PTPRT: variants seen among roughly 807,000 people sequenced by gnomAD.
PTPRT encodes the protein receptor-type tyrosine-protein phosphatase T.
In PTPRT, 56 loss-of-function variants were observed where a neutral mutation model predicts 176.8. The observed-to-expected ratio is 0.32, with a 90% CI of 0.26 to 0.40. The LOEUF is 0.40. Ranked by LOEUF, PTPRT falls within the 10% of genes least tolerant of loss-of-function variation. The pLI is 1.00. For missense variants in PTPRT, 1,540 were observed against 1,908.2 expected (o/e 0.81, Z 3.60); for synonymous variants, 783 against 739.0 (o/e 1.06, Z -0.96).
At chr20:42,789,376 T>C (rs771156909) in intron 3 of PTPRT, among the ~76,000 whole-genome samples, 18 of 152,230 alleles carry the variant, frequency 1.2e-4, no homozygotes, top group Non-Finnish European at 2.2e-4. Flanking sequence ...ATTATATTTA[T>C]ACTGGATTAT....
Position 42,073,591 on chromosome 20 carries a change from C to T in PTPRT, c.*7288G>A, listed in dbSNP as rs1982497069. ...TCAGTGGGTCTGAGTTATGGCTGCT[C>T]TCATGAGAGATCTACATGGGTATTG... On this transcript the variant is annotated 3_prime_UTR_variant, in exon 31 of 31. Coordinates refer to ENST00000373187, the MANE Select transcript of PTPRT (RefSeq NM_007050.6). 4.6e-6 allele frequency: 1 copy of T among 219,776 alleles called. No individual in the cohort carries two copies. The highest frequency in any genetic ancestry group is 1.9e-4 in the South Asian group (1 of 5,368). The allele number at this position is 219,776 out of a possible 1,614,324, so 13.6% of individuals were successfully genotyped here. A position where few individuals can be genotyped will look rare whatever the true frequency, so the allele number is the denominator to read the frequency against.
At chr20:43,010,491 A>G (rs1198247617) in intron 1 of PTPRT, among the ~76,000 whole-genome samples, 1 of 152,180 alleles carries the variant, frequency 6.6e-6, no homozygotes, top group African/African-American at 2.4e-5. Context: ...GTGTTCCCCA[A>G]GAACTTATAT....
At chr20:42,875,322 C>A (rs1003398606) in intron 2 of PTPRT, among the ~76,000 whole-genome samples, 6 of 152,178 alleles carry the variant, frequency 3.9e-5, no homozygotes, top group Admixed American at 1.3e-4. Flanking sequence ...TCATATCCTC[C>A]GGAATAATTA....
intron 7 of PTPRT, among the ~76,000 whole-genome samples, chr20:42,527,215 G>A (rs973006360): frequency 4.0e-5 from 6 of 151,732 alleles, no homozygotes; most frequent in East Asian, 1.9e-4. Context: ...CGCCTGCCTC[G>A]GCCTCCCAAA....
chr20:43,084,462 C>G (rs886505201), intron 1 of PTPRT, among the ~76,000 whole-genome samples: 1 of 152,124 alleles, frequency 6.6e-6, no homozygotes, highest in East Asian at 1.9e-4. Flanking sequence ...GGGGAAACTG[C>G]CAAACACTTT....
intron 1 of PTPRT, among the ~76,000 whole-genome samples, chr20:43,152,006 A>G (rs1358510567): frequency 6.6e-6 from 1 of 152,246 alleles, no homozygotes. Context: ...CAGCAATAGT[A>G]TAAAGAATTT....
At chr20:42,236,993 T>C (rs371041308) in intron 14 of PTPRT, among the ~76,000 whole-genome samples, 56 of 152,010 alleles carry the variant, frequency 3.7e-4, no homozygotes, top group African/African-American at 1.3e-3. Flanking sequence ...GAACCCTCAG[T>C]CTCCATAGAA....
chr20:42,454,816 A>C (rs1224519280), intron 8 of PTPRT, among the ~76,000 whole-genome samples: 1 of 152,344 alleles, frequency 6.6e-6, no homozygotes, highest in South Asian at 2.1e-4. Context: ...TTAGTAGCAG[A>C]CACTGTTGAT....
chr20:42,676,535 A>AATGC (rs1339743734), intron 7 of PTPRT, among the ~76,000 whole-genome samples: 1 of 128,624 alleles, frequency 7.8e-6, no homozygotes, highest in Non-Finnish European at 1.6e-5. Flanking sequence ...CTGTATATAC[A>AATGC]ATGCTCTCTC....
At chr20:43,085,579 CAGA>C (rs1291187159) in intron 1 of PTPRT, among the ~76,000 whole-genome samples, 2 of 152,144 alleles carry the variant, frequency 1.3e-5, no homozygotes, top group African/African-American at 4.8e-5. Flanking sequence ...ACAATCATGG[CAGA>C]AGGTGAATGA....
the PTPRT span, among the ~76,000 whole-genome samples, chr20:42,062,275 C>T: frequency 2.6e-5 from 4 of 152,198 alleles, no homozygotes; most frequent in South Asian, 2.1e-4. Flanking sequence ...GGAGATCAAC[C>T]GCATTTGTCA....
At chr20:43,115,629 C>T (rs1350166039) in intron 1 of PTPRT, among the ~76,000 whole-genome samples, 1 of 152,120 alleles carries the variant, frequency 6.6e-6, no homozygotes, top group Admixed American at 6.5e-5. Flanking sequence ...TGCTAAACAT[C>T]CCACAGTACA....
intron 7 of PTPRT, among the ~76,000 whole-genome samples, chr20:42,588,124 T>C (rs7264024): frequency 0.11 from 16,428 of 152,008 alleles, 2,981 homozygotes; most frequent in African/African-American, 0.38. Flanking sequence ...CCACCAACCA[T>C]ATGGGGCTAT....
chr20:43,061,235 G>A (rs553238854), intron 1 of PTPRT, among the ~76,000 whole-genome samples: 8 of 152,130 alleles, frequency 5.3e-5, no homozygotes, highest in South Asian at 2.1e-4. Context: ...CACTACTCTC[G>A]CTCCTCCAGA....
chr20:43,085,871 T>A (rs1025070918), intron 1 of PTPRT, among the ~76,000 whole-genome samples: 7 of 152,010 alleles, frequency 4.6e-5, no homozygotes, highest in African/African-American at 1.7e-4. Context: ...GAACAAACAC[T>A]CTACCCAAAG....
At chr20:42,404,840 C>T (rs1249576659) in intron 9 of PTPRT, among the ~76,000 whole-genome samples, 1 of 151,134 alleles carries the variant, frequency 6.6e-6, no homozygotes, top group Admixed American at 6.6e-5. Context: ...AACACAAAAG[C>T]CAAAGATATA....
At chr20:42,240,718 C>CCATCCATCCAT (rs1355957406) in intron 14 of PTPRT, among the ~76,000 whole-genome samples, 4,465 of 46,096 alleles carry the variant, frequency 0.097, 211 homozygotes, top group African/African-American at 0.18. Context: ...ATCCATCCAT[C>CCATCCATCCAT]CCATCCATCC....
chr20:42,694,043 T>C (rs1429470316), intron 6 of PTPRT, among the ~76,000 whole-genome samples: 1 of 138,146 alleles, frequency 7.2e-6, no homozygotes, highest in Non-Finnish European at 1.5e-5. Flanking sequence ...TTATTTTCTT[T>C]TTTTTTTTTT....
At chr20:42,458,868 T>G (rs1437955054) in intron 8 of PTPRT, among the ~76,000 whole-genome samples, 1 of 152,212 alleles carries the variant, frequency 6.6e-6, no homozygotes, top group Admixed American at 6.5e-5. Context: ...GGCACTGTTC[T>G]TCTAAGTGCT....
Sources: gnomAD v4.1 joint callset for allele counts (sites outside exome capture counted in the v4.1 genomes callset) on GRCh38, gnomAD v4.1.1 for gene constraint, MANE v1.5 for transcripts, NCBI Gene and HGNC (gene_info 2026-07-23, HGNC 2026-07-21) for gene names.